Variants in RIPOR1 observed in about 807,000 individuals in gnomAD.
RIPOR1 encodes the protein rho family-interacting cell polarization regulator 1.
A neutral mutation model predicts 116.5 loss-of-function variants in RIPOR1; 58 were observed. The ratio of observed to expected loss-of-function variants is 0.50; its 90% CI spans 0.40 to 0.62. RIPOR1 has a LOEUF of 0.62. RIPOR1 is among the 20% of genes least tolerant of loss of function. The pLI, the probability that RIPOR1 is intolerant of heterozygous loss-of-function variation, is 0.00. For missense variants in RIPOR1, 1,372 were observed against 1,586.2 expected (o/e 0.86, Z 2.29); for synonymous variants, 605 against 650.0 (o/e 0.93, Z 1.05).
At chr16:67,538,135 C>A (rs965599070) in intron 1 of RIPOR1, 9 of 349,450 alleles carry the variant, frequency 2.6e-5, no homozygotes, top group Middle Eastern at 7.6e-4. Context: ...CCCTTCCCAG[C>A]CGGAGGAGGG....
chr16:67,539,184 GA>G, intron 4 of RIPOR1, 116 bp downstream of exon 4: 1 of 843,336 alleles, frequency 1.2e-6, no homozygotes, highest in Non-Finnish European at 1.8e-6. Context: ...GGTGTGAGTA[GA>G]AAAGGGGATA....
In RIPOR1 at chr16:67,542,170, G is replaced by A; in HGVS notation, c.1384G>A (p.Glu462Lys). The A allele has an allele frequency of 6.2e-7, 1 of 1,613,484 alleles. No individual in the cohort carries two copies. Among genetic ancestry groups the A allele is most frequent in the African/African-American group, 1.3e-5 (1 of 74,796 alleles). ...SEASVDAALA[E>K]ASVEAVGPES... ...GGCTAGTGTAGATGCTGCCTTGGCT[G>A]AGGCTTCAGTGGAGGCCGTTGGCCC... Residue 462 changes from glutamate to lysine, a missense_variant, in exon 13 of 22, where the codon GAG becomes AAG. Glu to Lys is a moderately conservative substitution (Grantham distance 56, BLOSUM62 1). This residue lies in a region of RIPOR1 where 1,005 missense variants were observed against 1,144.7 expected (regional missense o/e 0.88). Transcript: ENST00000042381. This position sits in a 1 kb window ranked among gnomAD's most constrained non-coding sequence, Gnocchi z 4.6.
rs902044789 is a variant in RIPOR1, at chr16:67,530,356, TG to T, written c.-24+1448del. Among the ~76,000 whole-genome samples, 2 of 152,012 alleles carry T rather than the reference TG, an allele frequency of 1.3e-5. No homozygotes were observed. The highest frequency in any genetic ancestry group is 2.4e-5 in the African/African-American group (1 of 41,394). ...CGACAGCCTCCGCCCGGTTCCGGGG[TG>T]GGGGGTCCGGGGCTGTGCCGCTCCC... On this transcript the variant is annotated intron_variant, in intron 1 of 21. Coordinates refer to ENST00000042381, the MANE Select transcript of RIPOR1 (RefSeq NM_024519.4). This position sits in a 1 kb window ranked among gnomAD's most constrained non-coding sequence, Gnocchi z 4.5.
At position 67,539,642 on chromosome 16, in the gene RIPOR1, AAG is replaced by A. The variant is rs1027520787; in HGVS notation, c.337-85_337-84del. 36 of 1,498,674 alleles carry A rather than the reference AAG, an allele frequency of 2.4e-5. No homozygotes were observed. In the African/African-American group the frequency reaches 4.8e-4, roughly 20 times the overall value. The allele number at this position is 1,498,674 out of a possible 1,614,324, so 92.8% of individuals were successfully genotyped here. ...AGTGCTTGTGGACTGTGGTGTGAGAAAGGGGAGCTGTGACGAGTCTGAGTGCC... is the reference window on the plus strand; with the variant it reads ...AGTGCTTGTGGACTGTGGTGTGAGAAGGGAGCTGTGACGAGTCTGAGTGCC... On this transcript the variant is annotated intron_variant, in intron 4 of 21. Coordinates refer to ENST00000042381, the MANE Select transcript of RIPOR1 (RefSeq NM_024519.4).
chr16:67,546,191 A>C lies in RIPOR1; in HGVS notation c.3522A>C (p.Glu1174Asp). ...TGTACCTCTGCCAAACTGACACAGA[A>C]GCTGTGAGGGAAGCTGCCCGGCAAA... ...PLVYLCQTDT[E>D]AVREAARQSL... Residue 1174 changes from glutamate to aspartate, a missense_variant, in exon 21 of 22, where the codon GAA (glutamate) becomes GAC (aspartate). Physicochemically the swap from Glu to Asp is conservative, Grantham distance 45 (BLOSUM62 2). Transcript: ENST00000042381. 6.2e-7 allele frequency: 1 copy of C among 1,614,090 alleles called. No homozygotes were observed. The highest frequency in any genetic ancestry group is 8.5e-7 in the Non-Finnish European group (1 of 1,180,020).
chr16:67,531,247 T>C lies in RIPOR1; in HGVS notation c.-24+2333T>C, dbSNP rs542557765. On this transcript the variant is annotated intron_variant, in intron 1 of 21. Coordinates refer to ENST00000042381, the MANE Select transcript of RIPOR1 (RefSeq NM_024519.4). The surrounding 1 kb of genome is among the most constrained non-coding windows in gnomAD (Gnocchi z 4.2). ...TAGGGGAGTTGGGGTGGACATAGAC[T>C]TAAAATCCTCCCCACCAACAAACAG... Among the ~76,000 whole-genome samples the C allele has an allele frequency of 1.3e-5, 2 of 151,840 alleles. No homozygotes were observed. The highest frequency in any genetic ancestry group is 3.9e-4 in the East Asian group (2 of 5,136).
chr16:67,535,789 G>A (rs1034516075), intron 1 of RIPOR1, among the ~76,000 whole-genome samples: 1 of 152,182 alleles, frequency 6.6e-6, no homozygotes, highest in African/African-American at 2.4e-5. Flanking sequence ...GATAAGGCTG[G>A]GGATGGCTGA....
At chr16:67,520,693 A>C (rs528526219) in intron 1 of RIPOR1, among the ~76,000 whole-genome samples, 89 of 152,008 alleles carry the variant, frequency 5.9e-4, no homozygotes, top group African/African-American at 2.1e-3. Flanking sequence ...CCAGCTACTC[A>C]GGAGGCTGAG....
In RIPOR1 at chr16:67,545,853, G is replaced by C; in HGVS notation, c.3380G>C (p.Arg1127Pro). The change falls in exon 19 of 22, where the codon CGG becomes CCG. Residue 1127 changes from arginine to proline, a missense_variant. By Grantham distance (103) the Arg-to-Pro change is moderately radical (BLOSUM62 -2). Around this residue, in one of 3 missense-constraint regions of RIPOR1, gnomAD observed 1,005 missense variants for 1,144.7 expected, o/e 0.88. Transcript: ENST00000042381. The surrounding 1 kb of genome is among the most constrained non-coding windows in gnomAD (Gnocchi z 4.8). ...AGCCTGTCACTGGGCCCTACCTTCC[G>C]GGAGAGGGTGAGTTGGACAGGGCTC... ...LRSLSLGPTF[R>P]ERALLCFLDQ... The C allele has an allele frequency of 1.2e-6, 2 of 1,607,170 alleles. No individual in the cohort carries two copies. Among genetic ancestry groups the C allele is most frequent in the Non-Finnish European group, 1.7e-6 (2 of 1,176,060 alleles).
Position 67,540,009 on chromosome 16 carries a change from G to A in RIPOR1, c.415-44G>A, listed in dbSNP as rs2050927249. 43 of 1,613,828 alleles carry A rather than the reference G, an allele frequency of 2.7e-5. No individual in the cohort carries two copies. In the East Asian group the frequency reaches 9.1e-4, roughly 34 times the overall value. Reference sequence around the variant, plus strand: ...AACCTTAGAGGTGAGTAACCCCAGAGGTGAGTCTCAGTCCCCCTACTGTCA... The same window carrying A: ...AACCTTAGAGGTGAGTAACCCCAGAAGTGAGTCTCAGTCCCCCTACTGTCA... On this transcript the variant is annotated intron_variant, in intron 6 of 21. Transcript: ENST00000042381. The surrounding 1 kb of genome is among the most constrained non-coding windows in gnomAD (Gnocchi z 4.7).
rs773405057 is a variant in RIPOR1 at position 67,542,694 on chromosome 16, A to G, written c.1908A>G (p.Ser636=). 8.7e-6 allele frequency: 14 copies of G among 1,607,496 alleles called. No homozygotes were observed. Among genetic ancestry groups the G allele is most frequent in the Admixed American group, 1.7e-5 (1 of 59,326 alleles). Residue 636 remains serine (S), a synonymous_variant, in exon 13 of 22, where the codon TCA becomes TCG. Coordinates refer to ENST00000042381, the MANE Select transcript of RIPOR1 (RefSeq NM_024519.4). This position sits in a 1 kb window ranked among gnomAD's most constrained non-coding sequence, Gnocchi z 4.6. ...PTSPTHKTSM[S]PPTTTSPTPS... is the part of the protein sequence containing the mutation. ...GTCCCACCCACAAAACCAGTATGTC[A>G]CCTCCCACCACTACAAGTCCTACCC...
chr16:67,522,106 C>T lies in RIPOR1; in HGVS notation c.-24+3493C>T, dbSNP rs1188405568. Among the ~76,000 whole-genome samples the T allele has an allele frequency of 2.7e-5, 4 of 150,658 alleles. No homozygotes were observed. In the East Asian group the frequency reaches 5.8e-4, roughly 22 times the overall value. On this transcript the variant is annotated intron_variant, in intron 1 of 1. Transcript: ENST00000562116. ...GCAGTGGTGCGATCTCAGCTCACTGCAACCTCTGCCTCCCGGATTCAAGCG... is the reference window on the plus strand; with the variant it reads ...GCAGTGGTGCGATCTCAGCTCACTGTAACCTCTGCCTCCCGGATTCAAGCG...
Position 67,542,672 on chromosome 16 carries a change from C to G in RIPOR1, c.1886C>G (p.Pro629Arg). ...STSPTHTPTSPTHKTSMSPPT... is the reference protein window; with the variant it reads ...STSPTHTPTSRTHKTSMSPPT... ...AGCCCCACCCATACCCCCACAAGTCCCACCCACAAAACCAGTATGTCACCT... is the reference window on the plus strand; with the variant it reads ...AGCCCCACCCATACCCCCACAAGTCGCACCCACAAAACCAGTATGTCACCT... Residue 629 changes from proline to arginine, a missense_variant, in exon 13 of 22, where the codon CCC becomes CGC. This residue lies in a region of RIPOR1 where 1,005 missense variants were observed against 1,144.7 expected (regional missense o/e 0.88). Transcript: ENST00000042381. This position sits in a 1 kb window ranked among gnomAD's most constrained non-coding sequence, Gnocchi z 4.6. 1 of 1,613,664 alleles carries G rather than the reference C, an allele frequency of 6.2e-7. No individual in the cohort carries two copies. Among genetic ancestry groups the G allele is most frequent in the Non-Finnish European group, 8.5e-7 (1 of 1,179,858 alleles).
At position 67,537,957 on chromosome 16, in the gene RIPOR1, G is replaced by A. The variant is rs940407960; in HGVS notation, c.-23-467G>A. Reference sequence around the variant, plus strand: ...CTGTCGGGCAGCTCCGCAGGGCTCCGAGCGTGGCCCCGCCCCGCCCCGTGA... The same window carrying A: ...CTGTCGGGCAGCTCCGCAGGGCTCCAAGCGTGGCCCCGCCCCGCCCCGTGA... On this transcript the variant is annotated intron_variant, in intron 1 of 21. Transcript: ENST00000042381. The surrounding 1 kb of genome is among the most constrained non-coding windows in gnomAD (Gnocchi z 4.6). 8 of 236,360 alleles carry A rather than the reference G, an allele frequency of 3.4e-5. No homozygotes were observed. The highest frequency in any genetic ancestry group is 4.5e-5 in the African/African-American group (2 of 44,284). 14.6% of individuals were successfully genotyped at this position (236,360 alleles called of 1,614,324 possible). A position where few individuals can be genotyped will look rare whatever the true frequency, so the allele number is the denominator to read the frequency against.
chr16:67,534,079 C>T (rs2050733233), intron 1 of RIPOR1, among the ~76,000 whole-genome samples: 1 of 150,532 alleles, frequency 6.6e-6, no homozygotes, highest in African/African-American at 2.5e-5. Context: ...CTCGGCCTCC[C>T]AAAGTACTAG....
At position 67,543,922 on chromosome 16, in the gene RIPOR1, C is replaced by T. The variant is rs998783132; in HGVS notation, c.2601-377C>T. ...CCTCAACTGTCAGTCCTGGAGTGGCCTTTGCTGGTTCCCAGTTGAGAGTTG... is the reference window on the plus strand; with the variant it reads ...CCTCAACTGTCAGTCCTGGAGTGGCTTTTGCTGGTTCCCAGTTGAGAGTTG... On this transcript the variant is annotated intron_variant, in intron 14 of 21. Coordinates refer to ENST00000042381, the MANE Select transcript of RIPOR1 (RefSeq NM_024519.4). This position sits in a 1 kb window ranked among gnomAD's most constrained non-coding sequence, Gnocchi z 4.7. 2.7e-5 allele frequency: 10 copies of T among 364,100 alleles called. No homozygotes were observed. Among genetic ancestry groups the T allele is most frequent in the Non-Finnish European group, 4.6e-5 (9 of 196,752 alleles). 22.6% of individuals were successfully genotyped at this position (364,100 alleles called of 1,614,324 possible). A position where few individuals can be genotyped will look rare whatever the true frequency, so the allele number is the denominator to read the frequency against.
At position 67,542,256 on chromosome 16, in the gene RIPOR1, C is replaced by T. The variant is rs1404193514; in HGVS notation, c.1470C>T (p.His490=). Residue 490 remains histidine, a synonymous_variant, in exon 13 of 22, where the codon CAC becomes CAT. Transcript: ENST00000042381. The surrounding 1 kb of genome is among the most constrained non-coding windows in gnomAD (Gnocchi z 4.6). ...PTHPAPTHGE[H]PSPVPPALDP... is the part of the protein sequence containing the mutation. ...ACCCAGCTCCCACCCATGGAGAGCA[C>T]CCCAGTCCTGTTCCTCCTGCCCTGG... The T allele has an allele frequency of 2.5e-6, 4 of 1,613,744 alleles. No individual in the cohort carries two copies. The African/African-American group carries it at 5.3e-5, about 22-fold the overall frequency.
upstream of RIPOR1, among the ~76,000 whole-genome samples, chr16:67,525,344 AG>A (rs1176385536): frequency 6.6e-6 from 1 of 152,180 alleles, no homozygotes; most frequent in Non-Finnish European, 1.5e-5. Flanking sequence ...TGGTCACCCC[AG>A]GGTGGCCCGG....
In RIPOR1 at chr16:67,542,836, C is replaced by A; in HGVS notation, c.2050C>A (p.Leu684Ile). ...INVSPSTSLE[L>I]ATLSSPSKHS... The stretch of plus-strand genomic sequence containing the variant: ...TGTAAGCCCTTCCACTTCTCTAGAA[C>A]TTGCTACCCTCTCCAGCCCCTCCAA... Residue 684 changes from leucine (L) to isoleucine (I), a missense_variant, in exon 13 of 22, where the codon CTT becomes ATT. Physicochemically the swap from Leu to Ile is conservative, Grantham distance 5. This residue lies in a region of RIPOR1 where 1,005 missense variants were observed against 1,144.7 expected (regional missense o/e 0.88). Transcript: ENST00000042381. The surrounding 1 kb of genome is among the most constrained non-coding windows in gnomAD (Gnocchi z 4.6). 6.2e-7 allele frequency: 1 copy of A among 1,613,936 alleles called. No homozygotes were observed. The highest frequency in any genetic ancestry group is 8.5e-7 in the Non-Finnish European group (1 of 1,179,978).
Sources: gnomAD v4.1 joint callset for allele counts (sites outside exome capture counted in the v4.1 genomes callset) on GRCh38, gnomAD v4.1.1 for gene constraint, gnomAD v4.1.1 regional missense constraint, Gnocchi (gnomAD v3.1) non-coding constraint, MANE v1.5 for transcripts, NCBI Gene and HGNC (gene_info 2026-07-23, HGNC 2026-07-21) for gene names.